The following AOX1 variants were observed in gnomAD, a reference collection of about 807,000 sequenced individuals.
AOX1 encodes aldehyde oxidase 1.
A neutral mutation model predicts 169.5 loss-of-function variants in AOX1; 153 were observed. The observed-to-expected ratio is 0.90, with a 90% CI of 0.79 to 1.03. The LOEUF is 1.03. Ranked by LOEUF, AOX1 falls within the 50% of genes least tolerant of loss-of-function variation. AOX1 has a pLI of 0.00. For synonymous variants in AOX1, 562 were observed against 581.9 expected (o/e 0.97, Z 0.49); for missense variants, 1,656 against 1,663.9 (o/e 1.00, Z 0.08).
chr2:200,641,066 T>A (rs1329264164), intron 23 of AOX1, 32 bp from the exon 24 acceptor site: 1 of 1,559,952 alleles, frequency 6.4e-7, no homozygotes, highest in South Asian at 1.1e-5. Flanking sequence ...TTGGCCCCTG[T>A]TCCAGCATTC....
intron 29 of AOX1, 137 bp downstream of exon 29, chr2:200,660,206 G>A (rs545627136): frequency 7.1e-6 from 5 of 704,386 alleles, no homozygotes; most frequent in Non-Finnish European, 1.2e-5. Flanking sequence ...TAAATAAAAG[G>A]CCCTTTGGCT....
At chr2:200,595,723 G>C (rs1333969805) in intron 3 of AOX1, among the ~76,000 whole-genome samples, 1 of 152,004 alleles carries the variant, frequency 6.6e-6, no homozygotes, top group African/African-American at 2.4e-5. Flanking sequence ...GTCAAAACTT[G>C]AATGGCTCCC....
intron 20 of AOX1, 128 bp downstream of exon 20, chr2:200,627,577 G>A (rs2035033074): frequency 9.2e-6 from 6 of 652,736 alleles, no homozygotes; most frequent in Non-Finnish European, 1.6e-5. Context: ...AGGCAGAACA[G>A]GCACCTCATT....
chr2:200,612,798 G>A lies in AOX1; in HGVS notation c.1448+5G>A, dbSNP rs1465815288. ...CTGCCAGAAACTCATTGGAAGGTAA[G>A]GCATTAGAAGTAAGGGCTCCTCTAA... On this transcript the variant is annotated splice_donor_5th_base_variant and intron_variant, in intron 14 of 34. Coordinates refer to ENST00000374700, the MANE Select transcript of AOX1 (RefSeq NM_001159.4). 6.2e-7 allele frequency: 1 copy of A among 1,612,314 alleles called. No homozygotes were observed. The highest frequency in any genetic ancestry group is 1.7e-5 in the Admixed American group (1 of 59,864).
intron 25 of AOX1, among the ~76,000 whole-genome samples, chr2:200,643,473 G>T (rs2035396479): frequency 1.3e-5 from 2 of 152,090 alleles, no homozygotes; most frequent in Admixed American, 6.5e-5. Context: ...GGGCATTTGG[G>T]TTGGTTCCAA....
chr2:200,643,049 G>A (rs1216934260), intron 25 of AOX1, among the ~76,000 whole-genome samples: 1 of 152,098 alleles, frequency 6.6e-6, no homozygotes, highest in Non-Finnish European at 1.5e-5. Flanking sequence ...CCCCTGGCTG[G>A]TGAGAAGCTT....
chr2:200,599,530 C>T (rs2034357770), intron 4 of AOX1, 90 bp from the exon 5 acceptor site: 1 of 1,063,518 alleles, frequency 9.4e-7, no homozygotes, highest in South Asian at 1.9e-5. Flanking sequence ...AGACAAATCA[C>T]CTGGGGATCT....
At chr2:200,633,956 C>A (rs1349831773) in intron 20 of AOX1, among the ~76,000 whole-genome samples, 2 of 152,148 alleles carry the variant, frequency 1.3e-5, no homozygotes, top group Non-Finnish European at 2.9e-5. Context: ...CCACTGACAG[C>A]ACCCCAATAG....
At chr2:200,676,760 G>T (rs1029064069) in intron 4 of AOX1, 1 of 360,152 alleles carries the variant, frequency 2.8e-6, no homozygotes, top group African/African-American at 2.2e-5. Flanking sequence ...ACAGAGCAAG[G>T]CGGGGAGACA....
intron 8 of AOX1, 61 bp downstream of exon 8, chr2:200,604,158 AT>A: frequency 7.9e-7 from 1 of 1,271,174 alleles, no homozygotes; most frequent in East Asian, 2.3e-5. Flanking sequence ...CAGGAAGGGT[AT>A]TTGTTTATGG....
intron 26 of AOX1, among the ~76,000 whole-genome samples, chr2:200,654,802 T>C (rs987164077): frequency 6.6e-6 from 1 of 152,238 alleles, no homozygotes; most frequent in East Asian, 1.9e-4. Context: ...CAGTTGTGCT[T>C]GTTTTATAGA....
chr2:200,679,647 G>A (rs1248673379), downstream of AOX1, among the ~76,000 whole-genome samples: 1 of 150,868 alleles, frequency 6.6e-6, no homozygotes, highest in African/African-American at 2.4e-5. Context: ...GTGGCGATGA[G>A]GTAGTGACGC....
rs192543762 is a variant in AOX1, at chr2:200,590,572, C to T, written c.46-2574C>T. On this transcript the variant is annotated intron_variant, in intron 1 of 34. Coordinates refer to ENST00000374700, the MANE Select transcript of AOX1 (RefSeq NM_001159.4). ...AACCCTCACTACATCAAAACAACAA[C>T]AACAACAACAACAACAAAACACATT... Among the ~76,000 whole-genome samples, 20 of 152,224 alleles carry T rather than the reference C, an allele frequency of 1.3e-4. No individual in the cohort carries two copies. The East Asian group carries it at 3.7e-3, about 28-fold the overall frequency.
intron 16 of AOX1, among the ~76,000 whole-genome samples, chr2:200,620,199 C>G (rs56039423): frequency 0.18 from 23,482 of 130,908 alleles, 2,331 homozygotes; most frequent in South Asian, 0.28. Flanking sequence ...TTAATAGTGA[C>G]TTTTTTTTTT....
Position 200,610,767 on chromosome 2 carries a change from A to G in AOX1, c.1154-617A>G, listed in dbSNP as rs925259196. ...AAAGTTTTAAGTGAATTGTGTTGTC[A>G]GGAAGAGGACTGCTAAGGTTCTATT... On this transcript the variant is annotated intron_variant, in intron 12 of 34. Transcript: ENST00000374700. Among the ~76,000 whole-genome samples the G allele has an allele frequency of 2.6e-5, 4 of 152,312 alleles. No individual in the cohort carries two copies. The East Asian group carries it at 7.7e-4, about 29-fold the overall frequency.
Position 200,627,362 on chromosome 2 carries a change from C to T in AOX1, c.2134C>T (p.Gln712Ter), listed in dbSNP as rs767981569. ...TCTGTTCTCTTTCTAGGAAAGTATA[C>T]AACACAACTCCTCCTTCAAGCCAGA... ...PLILTIEESI[Q>*]HNSSFKPERK... The change falls in exon 20 of 35, where the codon CAA becomes TAA. Residue 712 changes from glutamine to a stop codon, truncating the protein, a stop_gained. Transcript: ENST00000374700. LOFTEE classifies it high-confidence loss of function. The T allele has an allele frequency of 6.2e-7, 1 of 1,612,876 alleles. No homozygotes were observed. The highest frequency in any genetic ancestry group is 8.5e-7 in the Non-Finnish European group (1 of 1,178,922).
chr2:200,645,625 G>A (rs541474091), intron 25 of AOX1, among the ~76,000 whole-genome samples: 28 of 152,196 alleles, frequency 1.8e-4, no homozygotes, highest in African/African-American at 6.7e-4. Context: ...CTATCTTGTG[G>A]AATAGTATCA....
chr2:200,634,953 G>C (rs751064046), intron 21 of AOX1, 38 bp downstream of exon 21: 4 of 1,605,300 alleles, frequency 2.5e-6, no homozygotes, highest in Non-Finnish European at 3.4e-6. Context: ...ATGGCTAAAT[G>C]ATTTCTGGCC....
intron 25 of AOX1, among the ~76,000 whole-genome samples, chr2:200,648,864 G>C (rs1367396056): frequency 1.3e-5 from 2 of 152,018 alleles, no homozygotes; most frequent in Non-Finnish European, 2.9e-5. Context: ...TGTTAGGGAA[G>C]TAGGGGAAAG....
Sources: allele counts gnomAD v4.1 joint callset (sites outside exome capture counted in the v4.1 genomes callset), GRCh38; gene constraint gnomAD v4.1.1; transcripts MANE v1.5; gene names NCBI Gene and HGNC (gene_info 2026-07-23, HGNC 2026-07-21).